The following ERCC6L2 variants were observed in gnomAD, a reference collection of about 807,000 sequenced individuals.
ERCC6L2 encodes DNA excision repair protein ERCC-6-like 2.
In ERCC6L2, 77 loss-of-function variants were observed where a neutral mutation model predicts 132.0. The ratio of observed to expected loss-of-function variants is 0.58; its 90% CI spans 0.49 to 0.71. The LOEUF (loss-of-function observed/expected upper bound fraction) is 0.71. Ranked by LOEUF, ERCC6L2 falls within the 30% of genes least tolerant of loss-of-function variation. ERCC6L2 has a pLI of 0.00. For synonymous variants in ERCC6L2, 583 were observed against 632.4 expected (o/e 0.92, Z 1.17); for missense variants, 1,542 against 1,837.6 (o/e 0.84, Z 2.94).
In ERCC6L2 at chr9:95,963,148, TG is replaced by T. The variant is rs1464446605; in HGVS notation, c.1948-3413del. ...TTGGCATTCAGAAAGTCATCTCGTC[TG>T]TGTGTGTGTGTGTGTGTGTGTGTGT... is the stretch of plus-strand genomic sequence containing the variant. On this transcript the variant is annotated intron_variant, in intron 13 of 18. Coordinates refer to ENST00000653738, the MANE Select transcript of ERCC6L2 (RefSeq NM_020207.7). Among the ~76,000 whole-genome samples, 69 of 14,396 alleles carry T rather than the reference TG, an allele frequency of 4.8e-3. No individual in the cohort carries two copies. In the African/African-American group the frequency reaches 0.062, roughly 13 times the overall value. 9.4% of individuals were successfully genotyped at this position (14,396 alleles called of 152,430 possible). A position where few individuals can be genotyped will look rare whatever the true frequency, so the allele number is the denominator to read the frequency against.
At chr9:95,887,546 T>C (rs892725386) in intron 2 of ERCC6L2, among the ~76,000 whole-genome samples, 1 of 152,234 alleles carries the variant, frequency 6.6e-6, no homozygotes, top group Non-Finnish European at 1.5e-5. Flanking sequence ...ATAGTACTTT[T>C]TGAGTAGCAG....
intron 17 of ERCC6L2, among the ~76,000 whole-genome samples, chr9:95,981,709 T>C (rs1334110667): frequency 6.6e-6 from 1 of 152,210 alleles, no homozygotes; most frequent in African/African-American, 2.4e-5. Context: ...AGTTCATCTG[T>C]TCTTTTACTA....
Position 96,012,790 on chromosome 9 carries a change from AAAG to A in ERCC6L2, c.4243_4245del (p.Glu1415del). ...CCTCACAAGAACGGGCATTTCAAGA[AAAG>A]AACCCCTTCTCAAATTGGAAAACAA... On this transcript the variant is annotated inframe_deletion, in exon 19 of 19. Coordinates refer to ENST00000653738, the MANE Select transcript of ERCC6L2 (RefSeq NM_020207.7). The A allele has an allele frequency of 7.3e-7, 1 of 1,367,616 alleles. No individual in the cohort carries two copies. The highest frequency in any genetic ancestry group is 9.8e-7 in the Non-Finnish European group (1 of 1,021,838). 84.7% of individuals were successfully genotyped at this position (1,367,616 alleles called of 1,614,324 possible). A position where few individuals can be genotyped will look rare whatever the true frequency, so the allele number is the denominator to read the frequency against.
intron 13 of ERCC6L2, among the ~76,000 whole-genome samples, chr9:95,962,833 T>TAA (rs1445603157): frequency 6.6e-6 from 1 of 152,176 alleles, no homozygotes; most frequent in Non-Finnish European, 1.5e-5. Flanking sequence ...GTTTTCAACT[T>TAA]ACAATGGGTT....
At chr9:95,926,732 G>A (rs899811781) in intron 9 of ERCC6L2, among the ~76,000 whole-genome samples, 3 of 152,064 alleles carry the variant, frequency 2.0e-5, no homozygotes, top group African/African-American at 7.2e-5. Context: ...GTCAAAACCC[G>A]TGAACTATGT....
chr9:95,893,505 G>A (rs1372205233), intron 2 of ERCC6L2, among the ~76,000 whole-genome samples: 1 of 152,088 alleles, frequency 6.6e-6, no homozygotes, highest in Admixed American at 6.5e-5. Flanking sequence ...TCTAAACCCT[G>A]AAAGGGTCTG....
At chr9:95,985,255 G>A (rs567622292) in intron 17 of ERCC6L2, among the ~76,000 whole-genome samples, 1 of 152,274 alleles carries the variant, frequency 6.6e-6, no homozygotes, top group South Asian at 2.1e-4. Flanking sequence ...AGGACCATGG[G>A]ACACTCTCAT....
chr9:95,961,745 G>A (rs1201741167), intron 13 of ERCC6L2, among the ~76,000 whole-genome samples: 3 of 152,066 alleles, frequency 2.0e-5, no homozygotes, highest in Admixed American at 6.6e-5. Flanking sequence ...TCATGCTGCT[G>A]GTAAAGACAT....
At chr9:95,994,669 C>G (rs1401708402) in intron 17 of ERCC6L2, among the ~76,000 whole-genome samples, 1 of 152,190 alleles carries the variant, frequency 6.6e-6, no homozygotes, top group East Asian at 1.9e-4. Flanking sequence ...GAGAATGAAT[C>G]AGATTATCTG....
At position 95,977,919 on chromosome 9, in the gene ERCC6L2, C is replaced by A. The variant is rs903466993; in HGVS notation, c.3338-142C>A. ...TAACCCAGACTAACATATTTGAACTCTTTCTCTTTTCAATATTTTTCCTAA... is the reference window on the plus strand; with the variant it reads ...TAACCCAGACTAACATATTTGAACTATTTCTCTTTTCAATATTTTTCCTAA... On this transcript the variant is annotated intron_variant, in intron 16 of 18. Transcript: ENST00000653738. The A allele has an allele frequency of 1.9e-5, 9 of 478,288 alleles. No individual in the cohort carries two copies. The African/African-American group carries it at 1.9e-4, about 10-fold the overall frequency. The allele number at this position is 478,288 out of a possible 1,614,324, so 29.6% of individuals were successfully genotyped here.
At chr9:96,028,508 C>G (rs1025818848) in intron 19 of ERCC6L2, among the ~76,000 whole-genome samples, 13 of 152,316 alleles carry the variant, frequency 8.5e-5, no homozygotes, top group Non-Finnish European at 1.8e-4. Flanking sequence ...TCCCACGCAA[C>G]AGAGGTAGGA....
At chr9:95,924,540 G>A (rs951115641) in intron 9 of ERCC6L2, among the ~76,000 whole-genome samples, 2 of 152,040 alleles carry the variant, frequency 1.3e-5, no homozygotes, top group African/African-American at 4.8e-5. Context: ...GTTTAAACCA[G>A]TAGAACATTT....
chr9:95,969,771 G>C (rs1389810660), intron 14 of ERCC6L2, among the ~76,000 whole-genome samples: 1 of 152,146 alleles, frequency 6.6e-6, no homozygotes, highest in African/African-American at 2.4e-5. Flanking sequence ...TTCCATAGGG[G>C]AGATTCTCAC....
rs1834195822 is a variant in ERCC6L2 at position 96,016,957 on chromosome 9, A to G, written c.*3754A>G. ...GCATGTGAAGGATTTTTATGTCACA[A>G]ATCCAGCTAACAGTGGATCTAGGAT... On this transcript the variant is annotated 3_prime_UTR_variant, in exon 19 of 19. Transcript: ENST00000653738. Among the ~76,000 whole-genome samples, 2 of 152,158 alleles carry G rather than the reference A, an allele frequency of 1.3e-5. No individual in the cohort carries two copies. Among genetic ancestry groups the G allele is most frequent in the Non-Finnish European group, 2.9e-5 (2 of 68,028 alleles).
At position 96,037,076 on chromosome 9, in the gene ERCC6L2, T is replaced by A. The variant is rs368657889; in HGVS notation, c.*1504-1800T>A. Among the ~76,000 whole-genome samples the A allele has an allele frequency of 3.0e-4, 46 of 152,302 alleles. 1 individual carries two copies. The Middle Eastern group carries it at 0.014, about 45-fold the overall frequency. ...CCACTGCGCCCGGCCCCATTTTTTT[T>A]AATTATTAGACTCAAAAGGTATAAA... On this transcript the variant is annotated intron_variant and NMD_transcript_variant, in intron 19 of 20. Coordinates refer to the ERCC6L2 transcript ENST00000670016.
intron 16 of ERCC6L2, among the ~76,000 whole-genome samples, 179 bp downstream of exon 16, chr9:95,973,267 G>A (rs1264888004): frequency 6.6e-6 from 1 of 152,174 alleles, no homozygotes; most frequent in East Asian, 1.9e-4. Flanking sequence ...TCAAGATAGA[G>A]AATGTTGCCA....
chr9:95,918,238 A>G, intron 6 of ERCC6L2: 1 of 445,912 alleles, frequency 2.2e-6, no homozygotes, highest in Non-Finnish European at 4.5e-6. Flanking sequence ...TAAGGTCACC[A>G]TTGCAGGTCT....
chr9:95,947,207 G>A (rs960245794), intron 12 of ERCC6L2, among the ~76,000 whole-genome samples: 1 of 152,186 alleles, frequency 6.6e-6, no homozygotes, highest in Non-Finnish European at 1.5e-5. Context: ...GAAATTAAAA[G>A]TGCTACTCCA....
chr9:96,020,631 G>A (rs115928510), downstream of ERCC6L2: 2,010 of 392,728 alleles, frequency 5.1e-3, 39 homozygotes, highest in African/African-American at 0.037. Flanking sequence ...AAGGGACAAG[G>A]CCCACCGAGG....
Sources: gnomAD v4.1 joint callset for allele counts (sites outside exome capture counted in the v4.1 genomes callset) on GRCh38, gnomAD v4.1.1 for gene constraint, MANE v1.5 for transcripts, NCBI Gene and HGNC (gene_info 2026-07-23, HGNC 2026-07-21) for gene names.